The following VIPR2 variants were observed in gnomAD, a reference collection of about 807,000 sequenced individuals.
VIPR2 encodes the protein vasoactive intestinal peptide receptor 2.
Under a neutral mutation model 58.0 loss-of-function variants are expected in VIPR2, and 48 were observed. The observed-to-expected ratio is 0.83, with a 90% CI of 0.66 to 1.05. The LOEUF (loss-of-function observed/expected upper bound fraction) is 1.05. VIPR2 is among the 50% of genes least tolerant of loss of function. The probability of loss-of-function intolerance (pLI) is 0.00; values close to 1 mark genes in which losing one functional copy is unlikely to be tolerated. For missense variants in VIPR2, 534 were observed against 558.0 expected, an observed-to-expected ratio of 0.96 and a Z score of 0.43; for synonymous variants, 243 against 235.2, an observed-to-expected ratio of 1.03 and a Z score of -0.30.
intron 4 of VIPR2, among the ~76,000 whole-genome samples, chr7:159,101,868 CCACT>C (rs1858281793): frequency 6.8e-6 from 1 of 146,316 alleles, no homozygotes; most frequent in Admixed American, 6.8e-5. Context: ...GAGGCGGTTC[CCACT>C]GTTCCTGTGG....
rs1796731838 is a variant in VIPR2 at position 159,128,344 on chromosome 7, C to T, written c.151+14102G>A. Among the ~76,000 whole-genome samples the T allele has an allele frequency of 2.6e-5, 4 of 152,212 alleles. No individual in the cohort carries two copies. The South Asian group carries it at 8.3e-4, about 32-fold the overall frequency. On this transcript the variant is annotated intron_variant, in intron 2 of 12. Coordinates refer to ENST00000262178, the MANE Select transcript of VIPR2 (RefSeq NM_003382.5). The surrounding 1 kb of genome is among the most constrained non-coding windows in gnomAD (Gnocchi z 4.1). The stretch of plus-strand genomic sequence containing the variant: ...TGACCACCCTGGAGCAGTTCTGAGC[C>T]TGCAGTGGTCTCCTTGTGCCCCCAG...
intron 2 of VIPR2, among the ~76,000 whole-genome samples, chr7:159,131,614 C>A (rs1367605794): frequency 6.6e-6 from 1 of 152,206 alleles, no homozygotes; most frequent in African/African-American, 2.4e-5. Flanking sequence ...CTCCTGAAGA[C>A]CTCTTCAGAA....
chr7:159,100,122 T>C (rs1858117000), intron 4 of VIPR2, among the ~76,000 whole-genome samples: 1 of 152,070 alleles, frequency 6.6e-6, no homozygotes, highest in Admixed American at 6.5e-5. Context: ...CTCCTGCAGG[T>C]GCCTTCAACC....
In VIPR2 at chr7:159,031,842, A is replaced by C; in HGVS notation, c.1129T>G (p.Phe377Val). 6.2e-7 allele frequency: 1 copy of C among 1,613,990 alleles called. No homozygotes were observed. Among genetic ancestry groups the C allele is most frequent in the African/African-American group, 1.3e-5 (1 of 75,026 alleles). ...QGLVVAVLYC[F>V]LNSEVQCELK... Reference sequence around the variant, plus strand: ...CATGAACTTACCTCACTGTTCAGGAAACAGTAGAGGACGGCCACCACCAGG... The same window carrying C: ...CATGAACTTACCTCACTGTTCAGGACACAGTAGAGGACGGCCACCACCAGG... The change falls in exon 12 of 13, where the codon TTC becomes GTC. Residue 377 changes from phenylalanine to valine, a missense_variant. Physicochemically the swap from Phe to Val is conservative, Grantham distance 50. Transcript: ENST00000262178. This position sits in a 1 kb window ranked among gnomAD's most constrained non-coding sequence, Gnocchi z 4.0.
intron 5 of VIPR2, among the ~76,000 whole-genome samples, chr7:159,047,980 T>TA (rs1284788605): frequency 1.3e-5 from 2 of 152,226 alleles, no homozygotes; most frequent in African/African-American, 4.8e-5. Context: ...AAGGAGAGCT[T>TA]ATTTGTGACA....
intron 4 of VIPR2, among the ~76,000 whole-genome samples, chr7:159,069,728 AT>A (rs958170087): frequency 3.3e-5 from 5 of 151,766 alleles, no homozygotes; most frequent in African/African-American, 1.2e-4. Flanking sequence ...CATCTGCTCC[AT>A]TTTTCCCCCC....
At chr7:159,034,141 T>C in intron 10 of VIPR2, 72 bp downstream of exon 10, 1 of 1,515,162 alleles carries the variant, frequency 6.6e-7, no homozygotes, top group Non-Finnish European at 9.1e-7. Flanking sequence ...AGGGCCTTCC[T>C]GGCAGCGTGG....
At chr7:159,121,231 G>C (rs76844436) in intron 2 of VIPR2, among the ~76,000 whole-genome samples, 2 of 148,404 alleles carry the variant, frequency 1.3e-5, no homozygotes, top group African/African-American at 2.5e-5. Flanking sequence ...CTTCCTCGTC[G>C]TGCGGGGCAG....
intron 4 of VIPR2, among the ~76,000 whole-genome samples, chr7:159,063,070 C>T (rs550502994): frequency 2.4e-4 from 37 of 152,336 alleles, no homozygotes; most frequent in Non-Finnish European, 1.8e-4. Flanking sequence ...ACTCAGGAGC[C>T]CAGCTGGCTT....
At chr7:159,108,074 A>T (rs1795840043) in intron 3 of VIPR2, among the ~76,000 whole-genome samples, 1 of 152,234 alleles carries the variant, frequency 6.6e-6, no homozygotes, top group Non-Finnish European at 1.5e-5. Flanking sequence ...CTTACAGGTC[A>T]TGGGAGGAGC....
At chr7:159,141,391 C>G (rs1055616468) in intron 2 of VIPR2, among the ~76,000 whole-genome samples, 1 of 152,226 alleles carries the variant, frequency 6.6e-6, no homozygotes, top group African/African-American at 2.4e-5. Context: ...GAAACGGTGG[C>G]TCAGAGGGGG....
intron 10 of VIPR2, among the ~76,000 whole-genome samples, chr7:159,033,255 C>T (rs1425057119): frequency 6.6e-6 from 1 of 152,212 alleles, no homozygotes; most frequent in African/African-American, 2.4e-5. Flanking sequence ...ATGCTCCTGT[C>T]TAACCGCCCC....
intron 4 of VIPR2, among the ~76,000 whole-genome samples, chr7:159,101,102 C>T (rs1360617609): frequency 6.8e-6 from 1 of 147,854 alleles, no homozygotes; most frequent in Admixed American, 6.7e-5. Flanking sequence ...TCACGAGATC[C>T]GACGAGGCGG....
chr7:159,104,133 C>A (rs571121365), intron 3 of VIPR2, among the ~76,000 whole-genome samples: 1 of 152,288 alleles, frequency 6.6e-6, no homozygotes, highest in African/African-American at 2.4e-5. Context: ...TCTTTTGGGG[C>A]AGAATGAAAA....
At position 159,117,128 on chromosome 7, in the gene VIPR2, G is replaced by A. The variant is rs1163245773; in HGVS notation, c.152-7209C>T. On this transcript the variant is annotated intron_variant, in intron 2 of 12. Transcript: ENST00000262178. The stretch of plus-strand genomic sequence containing the variant: ...GGGGAGGAGACCAGGTTCACAGAGG[G>A]GAGGAAACACACTCTGACCACAGGA... The A allele has an allele frequency of 2.7e-5, 16 of 586,274 alleles. No homozygotes were observed. The East Asian group carries it at 3.7e-4, about 14-fold the overall frequency. 36.3% of individuals were successfully genotyped at this position (586,274 alleles called of 1,614,324 possible).
chr7:159,061,184 G>C (rs1019723905), intron 4 of VIPR2, among the ~76,000 whole-genome samples: 2 of 152,054 alleles, frequency 1.3e-5, no homozygotes, highest in African/African-American at 4.8e-5. Context: ...CGGTACTCAG[G>C]GAGGAGAAAT....
Position 159,093,779 on chromosome 7 carries a change from C to T in VIPR2, c.357+9978G>A, listed in dbSNP as rs1857645206. Among the ~76,000 whole-genome samples the T allele has an allele frequency of 6.6e-6, 1 of 151,146 alleles. No homozygotes were observed. The highest frequency in any genetic ancestry group is 1.5e-5 in the Non-Finnish European group (1 of 67,820). On this transcript the variant is annotated intron_variant, in intron 4 of 12. Coordinates refer to ENST00000262178, the MANE Select transcript of VIPR2 (RefSeq NM_003382.5). This position sits in a 1 kb window ranked among gnomAD's most constrained non-coding sequence, Gnocchi z 6.7. Reference sequence around the variant, plus strand: ...CCGGAGATGGGAGACCCCGCAGCGTCCCTGGGTCCGGACAGGGGAGAGGCC... The same window carrying T: ...CCGGAGATGGGAGACCCCGCAGCGTTCCTGGGTCCGGACAGGGGAGAGGCC...
In VIPR2 at chr7:159,109,983, C is replaced by T. The variant is rs1795927260; in HGVS notation, c.152-64G>A. ...ACAGAAGTGTCACAAATAGAAACCC[C>T]ATTAATGAGATAACTGCCTCGCAAA... is the stretch of plus-strand genomic sequence containing the variant. On this transcript the variant is annotated intron_variant, in intron 2 of 12. Coordinates refer to ENST00000262178, the MANE Select transcript of VIPR2 (RefSeq NM_003382.5). 3 of 1,511,984 alleles carry T rather than the reference C, an allele frequency of 2.0e-6. No individual in the cohort carries two copies. In the Admixed American group the frequency reaches 5.1e-5, roughly 26 times the overall value. 93.7% of individuals were successfully genotyped at this position (1,511,984 alleles called of 1,614,324 possible). A position where few individuals can be genotyped will look rare whatever the true frequency, so the allele number is the denominator to read the frequency against.
At chr7:159,131,867 A>G (rs1454766501) in intron 2 of VIPR2, among the ~76,000 whole-genome samples, 1 of 152,240 alleles carries the variant, frequency 6.6e-6, no homozygotes, top group African/African-American at 2.4e-5. Flanking sequence ...CATAAGCGAC[A>G]CTTAACCTGA....
Sources: allele counts gnomAD v4.1 joint callset (sites outside exome capture counted in the v4.1 genomes callset), GRCh38; gene constraint gnomAD v4.1.1; non-coding constraint Gnocchi (gnomAD v3.1); transcripts MANE v1.5; gene names NCBI Gene and HGNC (gene_info 2026-07-23, HGNC 2026-07-21).